Variants in RBMS3 observed in about 807,000 individuals in gnomAD.
RBMS3 encodes RNA-binding motif, single-stranded-interacting protein 3.
A neutral mutation model predicts 66.8 loss-of-function variants in RBMS3; 27 were observed. The ratio of observed to expected loss-of-function variants is 0.40; its 90% CI spans 0.30 to 0.56. The LOEUF (loss-of-function observed/expected upper bound fraction) is 0.56, where lower values mean the gene tolerates loss of function less well. Among genes scored for constraint, RBMS3 ranks in the 20% least tolerant of loss-of-function variants. The pLI is 0.40. For missense variants in RBMS3, 513 were observed against 549.5 expected (o/e 0.93, Z 0.66); for synonymous variants, 188 against 183.0 (o/e 1.03, Z -0.22).
At position 29,739,875 on chromosome 3, in the gene RBMS3, C is replaced by A; in HGVS notation, c.555C>A (p.Ala185=). 6.4e-7 allele frequency: 1 copy of A among 1,563,588 alleles called. No homozygotes were observed. Among genetic ancestry groups the A allele is most frequent in the Non-Finnish European group, 8.6e-7 (1 of 1,159,092 alleles). The change falls in exon 5 of 15, where the codon GCC becomes GCA. Residue 185 remains alanine (A), a splice_region_variant and synonymous_variant. Transcript: ENST00000383767. ...ANGVSRGVGF[A]RMESTEKCEV... is the part of the protein sequence containing the mutation. The stretch of plus-strand genomic sequence containing the variant: ...GAGTCAGCAGAGGTGTTGGCTTTGC[C>A]AGGTAAAATTCTTTCTTTGTATGTA...
chr3:29,944,836 C>G (rs1320197612), intron 12 of RBMS3, among the ~76,000 whole-genome samples: 1 of 151,622 alleles, frequency 6.6e-6, no homozygotes, highest in Non-Finnish European at 1.5e-5. Context: ...TCTATTTATA[C>G]AAAAAAGTGG....
intron 4 of RBMS3, among the ~76,000 whole-genome samples, chr3:29,706,274 T>C (rs1286470362): frequency 6.6e-6 from 1 of 152,192 alleles, no homozygotes. Flanking sequence ...AATTCCAGTG[T>C]TGTAATTTCT....
At chr3:29,693,931 T>C (rs982509452) in intron 4 of RBMS3, among the ~76,000 whole-genome samples, 1 of 152,226 alleles carries the variant, frequency 6.6e-6, no homozygotes, top group Non-Finnish European at 1.5e-5. Flanking sequence ...TTTCAAACAC[T>C]GATTACTGTA....
chr3:29,589,210 TTCTC>T (rs202138421), intron 4 of RBMS3, among the ~76,000 whole-genome samples: 1 of 151,784 alleles, frequency 6.6e-6, no homozygotes, highest in Middle Eastern at 3.4e-3. Context: ...GAATCCCTCT[TTCTC>T]TCTCTCTCTT....
At chr3:29,502,687 G>C (rs546393719) in intron 3 of RBMS3, among the ~76,000 whole-genome samples, 23 of 152,148 alleles carry the variant, frequency 1.5e-4, no homozygotes, top group African/African-American at 5.5e-4. Context: ...TTTATATTTT[G>C]AGAATGGTTT....
Position 29,923,699 on chromosome 3 carries a change from G to C in RBMS3, c.940-12387G>C, listed in dbSNP as rs182981065. On this transcript the variant is annotated intron_variant, in intron 10 of 14. Coordinates refer to ENST00000383767, the MANE Select transcript of RBMS3 (RefSeq NM_001003793.3). ...CAGTATAATTTTAACTGGAGGCTGA[G>C]AGGTCAGAAAACGTGTTTTTGCAAT... 5.7e-4 allele frequency among the ~76,000 whole-genome samples: 87 copies of C among 152,152 alleles called. 1 individual carries two copies. The highest frequency in any genetic ancestry group is 1.9e-3 in the East Asian group (10 of 5,170).
intron 4 of RBMS3, among the ~76,000 whole-genome samples, chr3:29,593,948 GGTTAAATAGGATATGGAGATGGTA>G (rs1203614171): frequency 4.6e-5 from 7 of 152,152 alleles, no homozygotes; most frequent in African/African-American, 1.7e-4. Flanking sequence ...TGGAGATGGT[GGTTAAATAGGATATGGAGATGGTA>G]GTATTTTAGG....
intron 4 of RBMS3, among the ~76,000 whole-genome samples, chr3:29,694,403 C>A (rs2052171160): frequency 6.6e-6 from 1 of 152,032 alleles, no homozygotes; most frequent in Non-Finnish European, 1.5e-5. Flanking sequence ...AAAGATAAAC[C>A]TTTTACAATT....
At chr3:29,584,838 A>C (rs760324233) in intron 3 of RBMS3, among the ~76,000 whole-genome samples, 1 of 152,064 alleles carries the variant, frequency 6.6e-6, no homozygotes, top group Non-Finnish European at 1.5e-5. Context: ...ATAGCCCCTA[A>C]GTCATCTCCT....
chr3:29,762,798 A>T (rs1576730346), intron 5 of RBMS3, 112 bp from the exon 6 acceptor site: 1 of 729,232 alleles, frequency 1.4e-6, no homozygotes, highest in East Asian at 2.7e-5. Context: ...GTTGGCAATT[A>T]GGGTACAATT....
intron 1 of RBMS3, among the ~76,000 whole-genome samples, chr3:29,305,091 C>G (rs1392685181): frequency 6.6e-6 from 1 of 151,804 alleles, no homozygotes; most frequent in East Asian, 2.0e-4. Flanking sequence ...CCTTTCAAGC[C>G]CCAGGACCTT....
chr3:29,347,600 A>C (rs570151810), intron 1 of RBMS3, among the ~76,000 whole-genome samples: 84 of 152,304 alleles, frequency 5.5e-4, no homozygotes, highest in African/African-American at 1.9e-3. Context: ...GAAATAGTCA[A>C]TTATGTGGAT....
At chr3:29,335,993 A>C in intron 1 of RBMS3, among the ~76,000 whole-genome samples, 1 of 152,098 alleles carries the variant, frequency 6.6e-6, no homozygotes, top group Non-Finnish European at 1.5e-5. Flanking sequence ...GGCGTACCTT[A>C]ATTTTTCAAC....
chr3:29,674,183 G>T (rs1409670113), intron 4 of RBMS3, among the ~76,000 whole-genome samples: 1 of 152,064 alleles, frequency 6.6e-6, no homozygotes, highest in African/African-American at 2.4e-5. Flanking sequence ...TGCAGAAAAG[G>T]CCTTTGACAA....
intron 1 of RBMS3, among the ~76,000 whole-genome samples, chr3:29,379,555 A>T (rs371440695): frequency 6.6e-6 from 1 of 152,202 alleles, no homozygotes; most frequent in Non-Finnish European, 1.5e-5. Context: ...AGTGCAGGGA[A>T]ACTCCTCTTT....
At chr3:29,501,553 C>T (rs985164584) in intron 3 of RBMS3, among the ~76,000 whole-genome samples, 17 of 152,148 alleles carry the variant, frequency 1.1e-4, no homozygotes, top group African/African-American at 3.6e-4. Flanking sequence ...GGAAGACTTA[C>T]GGTGCTTCTG....
intron 1 of RBMS3, among the ~76,000 whole-genome samples, chr3:29,431,295 C>CCTTTT (rs1559355373): frequency 9.2e-6 from 1 of 109,088 alleles, no homozygotes; most frequent in Non-Finnish European, 1.8e-5. Context: ...CTTTCTTTTT[C>CCTTTT]CTTTTCTTTT....
chr3:29,824,911 C>T (rs1282605202), intron 6 of RBMS3, among the ~76,000 whole-genome samples: 1 of 152,008 alleles, frequency 6.6e-6, no homozygotes, highest in Non-Finnish European at 1.5e-5. Flanking sequence ...ATTTTTTTAT[C>T]ATCACTTGGG....
intron 4 of RBMS3, among the ~76,000 whole-genome samples, chr3:29,596,123 A>G (rs1229838347): frequency 1.3e-5 from 2 of 152,196 alleles, no homozygotes; most frequent in Admixed American, 1.3e-4. Context: ...CCTGGACCCA[A>G]CTATGTAACC....
Sources: gnomAD v4.1 joint callset for allele counts (sites outside exome capture counted in the v4.1 genomes callset) on GRCh38, gnomAD v4.1.1 for gene constraint, MANE v1.5 for transcripts, NCBI Gene and HGNC (gene_info 2026-07-23, HGNC 2026-07-21) for gene names.